GTPBP10: variants seen among roughly 807,000 people sequenced by gnomAD.
GTPBP10 encodes GTP binding protein 10.
In GTPBP10, 38 loss-of-function variants were observed where a neutral mutation model predicts 44.8. The observed-to-expected ratio is 0.85, with a 90% CI of 0.65 to 1.11. The LOEUF is 1.11. Among genes scored for constraint, GTPBP10 ranks in the 50% most tolerant of loss-of-function variants. The pLI, the probability that GTPBP10 is intolerant of heterozygous loss-of-function variation, is 0.00. For missense variants in GTPBP10, 462 were observed against 453.7 expected, an observed-to-expected ratio of 1.02 and a Z score of -0.17; for synonymous variants, 152 against 150.6, an observed-to-expected ratio of 1.01 and a Z score of -0.07.
intron 4 of GTPBP10, among the ~76,000 whole-genome samples, chr7:90,363,586 C>G (rs1235273039): frequency 6.6e-6 from 1 of 152,162 alleles, no homozygotes; most frequent in African/African-American, 2.4e-5. Flanking sequence ...TTCATTTCAA[C>G]TTTGGTGAAT....
At chr7:90,363,887 A>C (rs925509016) in intron 4 of GTPBP10, among the ~76,000 whole-genome samples, 1 of 152,072 alleles carries the variant, frequency 6.6e-6, no homozygotes, top group African/African-American at 2.4e-5. Flanking sequence ...CATTCATTTA[A>C]TCTTCAGTCA....
intron 9 of GTPBP10, among the ~76,000 whole-genome samples, chr7:90,384,584 G>A (rs1796489839): frequency 6.6e-6 from 1 of 150,772 alleles, no homozygotes; most frequent in African/African-American, 2.5e-5. Context: ...ATGCTGCCTT[G>A]CCTTATTTAA....
At chr7:90,371,581 G>A (rs750105204) in intron 4 of GTPBP10, among the ~76,000 whole-genome samples, 1 of 152,150 alleles carries the variant, frequency 6.6e-6, no homozygotes, top group Non-Finnish European at 1.5e-5. Flanking sequence ...TTGCAGATAG[G>A]AAACAAGATG....
chr7:90,378,713 T>C (rs1457550334), intron 8 of GTPBP10, among the ~76,000 whole-genome samples: 1 of 152,134 alleles, frequency 6.6e-6, no homozygotes, highest in Non-Finnish European at 1.5e-5. Flanking sequence ...TTTTCATTGT[T>C]CTTTCTTTTT....
intron 7 of GTPBP10, 84 bp from the exon 8 acceptor site, chr7:90,378,048 TGA>T: frequency 6.9e-7 from 1 of 1,447,084 alleles, no homozygotes; most frequent in South Asian, 1.3e-5. Flanking sequence ...GTTTTTAGCT[TGA>T]GAGAGTAAAA....
intron 4 of GTPBP10, among the ~76,000 whole-genome samples, chr7:90,360,673 A>C (rs1329703684): frequency 2.0e-5 from 3 of 152,150 alleles, no homozygotes; most frequent in East Asian, 3.9e-4. Flanking sequence ...CAATTCTGTA[A>C]AGAAAGTCAT....
rs1368178856 is a variant in GTPBP10, at chr7:90,389,893, T to C, written c.*4739T>C. ...GCCTCAATCTTCAGGGCTTAAGTTATCCTCCTGCCTCATCCTCCCAAGTAG... is the reference window on the plus strand; with the variant it reads ...GCCTCAATCTTCAGGGCTTAAGTTACCCTCCTGCCTCATCCTCCCAAGTAG... On this transcript the variant is annotated 3_prime_UTR_variant, in exon 10 of 10. Coordinates refer to ENST00000222511, the MANE Select transcript of GTPBP10 (RefSeq NM_033107.4). 1 of 152,246 alleles carries C rather than the reference T, an allele frequency of 6.6e-6. No homozygotes were observed. Among genetic ancestry groups the C allele is most frequent in the Non-Finnish European group, 1.5e-5 (1 of 68,106 alleles). 9.4% of individuals were successfully genotyped at this position (152,246 alleles called of 1,614,324 possible).
intron 4 of GTPBP10, among the ~76,000 whole-genome samples, chr7:90,358,595 T>C (rs1486309171): frequency 6.6e-6 from 1 of 152,136 alleles, no homozygotes; most frequent in Non-Finnish European, 1.5e-5. Flanking sequence ...CATTCATATC[T>C]CTCATTATAT....
At position 90,361,935 on chromosome 7, in the gene GTPBP10, T is replaced by C. The variant is rs536612810; in HGVS notation, c.464+6705T>C. ...ATTTGCATAGAGGTGTTTATAGTAT[T>C]GTCTGATGGTAGTTTGTATTTCTGT... On this transcript the variant is annotated intron_variant, in intron 4 of 9. Coordinates refer to ENST00000222511, the MANE Select transcript of GTPBP10 (RefSeq NM_033107.4). Among the ~76,000 whole-genome samples the C allele has an allele frequency of 2.6e-5, 4 of 152,346 alleles. No homozygotes were observed. The South Asian group carries it at 6.2e-4, about 24-fold the overall frequency.
At chr7:90,379,232 A>G (rs968975410) in intron 8 of GTPBP10, among the ~76,000 whole-genome samples, 1 of 152,116 alleles carries the variant, frequency 6.6e-6, no homozygotes, top group African/African-American at 2.4e-5. Context: ...GTCTTTATCT[A>G]CGCTGTTATA....
chr7:90,378,704 T>C (rs1796386938), intron 8 of GTPBP10, among the ~76,000 whole-genome samples: 1 of 152,100 alleles, frequency 6.6e-6, no homozygotes, highest in African/African-American at 2.4e-5. Flanking sequence ...ACCTAAATCT[T>C]TTCATTGTTC....
chr7:90,369,972 G>T (rs376580981), intron 4 of GTPBP10, among the ~76,000 whole-genome samples: 2 of 152,120 alleles, frequency 1.3e-5, no homozygotes, highest in African/African-American at 2.4e-5. Flanking sequence ...TTACAAAGAC[G>T]TACAGAGTGT....
rs892375139 is a variant in GTPBP10, at chr7:90,388,118, G to T, written c.*2964G>T. The T allele has an allele frequency of 6.6e-6, 1 of 151,982 alleles. No homozygotes were observed. Among genetic ancestry groups the T allele is most frequent in the African/African-American group, 2.4e-5 (1 of 41,390 alleles). The allele number at this position is 151,982 out of a possible 1,614,324, so 9.4% of individuals were successfully genotyped here. ...ATGTTCAATTCATTAGTATTTTCTG[G>T]TTACTCAAAGTGTACTCTATGTACC... On this transcript the variant is annotated 3_prime_UTR_variant, in exon 10 of 10. Transcript: ENST00000222511.
chr7:90,362,747 A>G (rs1310765201), intron 4 of GTPBP10, among the ~76,000 whole-genome samples: 2 of 152,276 alleles, frequency 1.3e-5, no homozygotes, highest in East Asian at 3.9e-4. Flanking sequence ...AAAGTCTCCC[A>G]TTATTATTGT....
chr7:90,354,185 A>G (rs570841246), intron 2 of GTPBP10, among the ~76,000 whole-genome samples: 1 of 152,244 alleles, frequency 6.6e-6, no homozygotes, highest in African/African-American at 2.4e-5. Context: ...CATGGTTGCA[A>G]TATTTTAGTT....
In GTPBP10 at chr7:90,388,279, T is replaced by C. The variant is rs574315798; in HGVS notation, c.*3125T>C. 6.6e-6 allele frequency: 1 copy of C among 152,346 alleles called. No homozygotes were observed. The highest frequency in any genetic ancestry group is 2.4e-5 in the African/African-American group (1 of 41,592). The allele number at this position is 152,346 out of a possible 1,614,324, so 9.4% of individuals were successfully genotyped here. A position where few individuals can be genotyped will look rare whatever the true frequency, so the allele number is the denominator to read the frequency against. On this transcript the variant is annotated 3_prime_UTR_variant, in exon 10 of 10. Transcript: ENST00000222511. Reference sequence around the variant, plus strand: ...ATCTCAGATGCATTTTATTTTGTCCTTAAGTAAGACTTTTCATTTTTACCT... The same window carrying C: ...ATCTCAGATGCATTTTATTTTGTCCCTAAGTAAGACTTTTCATTTTTACCT...
At chr7:90,372,105 C>A in intron 4 of GTPBP10, 50 bp from the exon 5 acceptor site, 1 of 1,092,698 alleles carries the variant, frequency 9.2e-7, no homozygotes, top group Non-Finnish European at 1.4e-6. Context: ...GTTAGGAATT[C>A]AGAGATAATA....
At chr7:90,381,947 A>G (rs1796441729) in intron 8 of GTPBP10, among the ~76,000 whole-genome samples, 1 of 152,218 alleles carries the variant, frequency 6.6e-6, no homozygotes, top group South Asian at 2.1e-4. Context: ...GCCTGAAACC[A>G]TAAAACCACT....
chr7:90,350,769 G>A (rs1349790946), intron 1 of GTPBP10, among the ~76,000 whole-genome samples: 1 of 152,120 alleles, frequency 6.6e-6, no homozygotes, highest in Non-Finnish European at 1.5e-5. Context: ...TTTTTACACT[G>A]ATTCTTATTC....
Sources: gnomAD v4.1 joint callset for allele counts (sites outside exome capture counted in the v4.1 genomes callset) on GRCh38, gnomAD v4.1.1 for gene constraint, MANE v1.5 for transcripts, NCBI Gene and HGNC (gene_info 2026-07-23, HGNC 2026-07-21) for gene names.